Variants in ENOX1 observed in about 807,000 individuals in gnomAD.
ENOX1 encodes the protein ecto-NOX disulfide-thiol exchanger 1, also known as candidate growth-related and time keeping constitutive hydroquinone (NADH) oxidase.
ENOX1 carries 42 observed loss-of-function variants against 82.5 expected under a neutral mutation model. That is an observed-to-expected ratio of 0.51 (90% confidence interval 0.40 to 0.66). ENOX1 has a LOEUF of 0.66. Ranked by LOEUF, ENOX1 falls within the 30% of genes least tolerant of loss-of-function variation. ENOX1 has a pLI of 0.00. For missense variants in ENOX1, 608 were observed against 811.6 expected (o/e 0.75, Z 3.05); for synonymous variants, 271 against 282.2 (o/e 0.96, Z 0.40).
chr13:43,517,326 G>A (rs1289518328), intron 2 of ENOX1, among the ~76,000 whole-genome samples: 1 of 151,838 alleles, frequency 6.6e-6, no homozygotes, highest in Non-Finnish European at 1.5e-5. Flanking sequence ...GGTGAAACCC[G>A]GTCTCTACTA....
At chr13:43,774,494 T>C (rs191463948) in intron 1 of ENOX1, among the ~76,000 whole-genome samples, 1 of 152,354 alleles carries the variant, frequency 6.6e-6, no homozygotes, top group Admixed American at 6.5e-5. Flanking sequence ...TTTTCCAATC[T>C]TGCACTTGTA....
At chr13:43,640,899 C>A (rs964342689) in intron 2 of ENOX1, among the ~76,000 whole-genome samples, 3 of 59,254 alleles carry the variant, frequency 5.1e-5, no homozygotes, top group Non-Finnish European at 9.3e-5. Context: ...CACACACGTA[C>A]ACACACACGC....
At chr13:43,736,340 T>G (rs2089629992) in intron 1 of ENOX1, among the ~76,000 whole-genome samples, 1 of 152,216 alleles carries the variant, frequency 6.6e-6, no homozygotes, top group Non-Finnish European at 1.5e-5. Flanking sequence ...AAATGTACTG[T>G]CAATGAGAAT....
At chr13:43,773,964 A>G (rs976816454) in intron 1 of ENOX1, among the ~76,000 whole-genome samples, 2 of 152,200 alleles carry the variant, frequency 1.3e-5, no homozygotes, top group African/African-American at 2.4e-5. Context: ...GCAATATGAT[A>G]TGAAAAATAA....
chr13:43,308,374 T>C (rs111491330), intron 11 of ENOX1, among the ~76,000 whole-genome samples: 4 of 152,336 alleles, frequency 2.6e-5, no homozygotes, highest in African/African-American at 9.6e-5. Flanking sequence ...TGTTTTCTTC[T>C]CATTCCCACA....
intron 1 of ENOX1, among the ~76,000 whole-genome samples, chr13:43,687,560 T>C (rs1027670010): frequency 1.3e-4 from 20 of 152,154 alleles, no homozygotes; most frequent in African/African-American, 4.8e-4. Context: ...TGAACTTAAT[T>C]AGGTCAATTA....
chr13:43,570,070 A>G (rs2080110447), intron 2 of ENOX1, among the ~76,000 whole-genome samples: 3 of 152,220 alleles, frequency 2.0e-5, no homozygotes, highest in African/African-American at 7.2e-5. Flanking sequence ...CACATTCAAT[A>G]TAACTGAGGA....
chr13:43,740,731 G>T (rs1278048940), intron 1 of ENOX1, among the ~76,000 whole-genome samples: 1 of 152,070 alleles, frequency 6.6e-6, no homozygotes, highest in Non-Finnish European at 1.5e-5. Context: ...TCTTATAAAT[G>T]GAGTCATACA....
intron 3 of ENOX1, among the ~76,000 whole-genome samples, chr13:43,481,457 C>A (rs2058506092): frequency 6.6e-6 from 1 of 152,028 alleles, no homozygotes; most frequent in Non-Finnish European, 1.5e-5. Context: ...ACTGTATATC[C>A]ACATGCCACA....
At chr13:43,515,679 T>C (rs898103374) in intron 2 of ENOX1, among the ~76,000 whole-genome samples, 7 of 152,152 alleles carry the variant, frequency 4.6e-5, no homozygotes, top group Non-Finnish European at 1.5e-5. Flanking sequence ...CAGAGTCCAT[T>C]TGTCAACCAC....
intron 14 of ENOX1, among the ~76,000 whole-genome samples, chr13:43,259,836 CCTTTCTG>C (rs1593576515): frequency 6.6e-6 from 1 of 152,056 alleles, no homozygotes; most frequent in African/African-American, 2.4e-5. Flanking sequence ...TATATTTGTC[CCTTTCTG>C]CTTTGTCTGC....
chr13:43,296,060 C>T (rs193209633), intron 12 of ENOX1, among the ~76,000 whole-genome samples: 67 of 152,320 alleles, frequency 4.4e-4, no homozygotes, highest in African/African-American at 1.6e-3. Flanking sequence ...CCATGCTAGG[C>T]TTGCCTCCAG....
chr13:43,620,609 G>A (rs936556142), intron 2 of ENOX1, among the ~76,000 whole-genome samples: 1 of 152,070 alleles, frequency 6.6e-6, no homozygotes, highest in Non-Finnish European at 1.5e-5. Context: ...GTCTGACAGA[G>A]TGCTTGATAT....
At chr13:43,646,839 G>A (rs78633742) in intron 2 of ENOX1, among the ~76,000 whole-genome samples, 1,885 of 152,224 alleles carry the variant, frequency 0.012, 34 homozygotes, top group African/African-American at 0.043. Context: ...AACGGGCAAC[G>A]TTTACAGAGC....
intron 5 of ENOX1, among the ~76,000 whole-genome samples, chr13:43,377,147 G>A (rs1442071099): frequency 6.6e-6 from 1 of 152,204 alleles, no homozygotes. Flanking sequence ...GGGAGGTTAT[G>A]CCCTCATGAA....
chr13:43,296,508 G>GT (rs2046293465), intron 12 of ENOX1, among the ~76,000 whole-genome samples: 1 of 152,186 alleles, frequency 6.6e-6, no homozygotes, highest in East Asian at 1.9e-4. Flanking sequence ...TCTTGGACTT[G>GT]TAGCCTTCAG....
intron 2 of ENOX1, among the ~76,000 whole-genome samples, chr13:43,556,219 G>A (rs2079429498): frequency 1.1e-5 from 1 of 92,898 alleles, no homozygotes; most frequent in South Asian, 4.8e-4. Context: ...GAAGTTACTA[G>A]GCTAACTTGC....
intron 3 of ENOX1, among the ~76,000 whole-genome samples, chr13:43,456,467 C>T (rs1009955746): frequency 2.0e-5 from 3 of 152,038 alleles, no homozygotes; most frequent in Non-Finnish European, 4.4e-5. Flanking sequence ...GGCATCCCTC[C>T]GAGGTAACAG....
intron 11 of ENOX1, among the ~76,000 whole-genome samples, chr13:43,304,388 G>A (rs1290446981): frequency 6.6e-6 from 1 of 152,166 alleles, no homozygotes; most frequent in Non-Finnish European, 1.5e-5. Context: ...TTGCTGGTTG[G>A]AGGTAAAAGG....
Sources: gnomAD v4.1 joint callset for allele counts (sites outside exome capture counted in the v4.1 genomes callset) on GRCh38, gnomAD v4.1.1 for gene constraint, MANE v1.5 for transcripts, NCBI Gene and HGNC (gene_info 2026-07-23, HGNC 2026-07-21) for gene names.